CDH22: variants seen among roughly 807,000 people sequenced by gnomAD.
CDH22 encodes the protein cadherin-22.
In CDH22, 30 loss-of-function variants were observed where a neutral mutation model predicts 58.4. The ratio of observed to expected loss-of-function variants is 0.51; its 90% CI spans 0.38 to 0.70. CDH22 has a LOEUF of 0.70. CDH22 is among the 30% of genes least tolerant of loss of function. The pLI, the probability that CDH22 is intolerant of heterozygous loss-of-function variation, is 0.00. For synonymous variants in CDH22, 513 were observed against 558.2 expected (o/e 0.92, Z 1.14); for missense variants, 1,014 against 1,233.9 (o/e 0.82, Z 2.67).
intron 3 of CDH22, among the ~76,000 whole-genome samples, chr20:46,229,000 C>T (rs530277057): frequency 6.6e-6 from 1 of 152,328 alleles, no homozygotes; most frequent in Non-Finnish European, 1.5e-5. Context: ...GGTTCCCCCT[C>T]CCAGCCACAG....
chr20:46,254,601 T>TG (rs2145741731), intron 1 of CDH22, among the ~76,000 whole-genome samples: 1 of 149,996 alleles, frequency 6.7e-6, no homozygotes, highest in African/African-American at 2.5e-5. Flanking sequence ...CTCATGGAAC[T>TG]GACTTTCTGG....
In CDH22 at chr20:46,241,751, A is replaced by T. The variant is rs1888944282; in HGVS notation, c.256-494T>A. On this transcript the variant is annotated intron_variant, in intron 2 of 11. Coordinates refer to ENST00000537909, the MANE Select transcript of CDH22 (RefSeq NM_021248.3). The surrounding 1 kb of genome is among the most constrained non-coding windows in gnomAD (Gnocchi z 5.2). ...GGATCCTCAGTCTCCCCCTGCCCCC[A>T]GGATCTCTCGGTACATCAAGCCATC... Among the ~76,000 whole-genome samples the T allele has an allele frequency of 6.6e-6, 1 of 151,966 alleles. No homozygotes were observed. The highest frequency in any genetic ancestry group is 6.6e-5 in the Admixed American group (1 of 15,254).
chr20:46,278,561 TG>T (rs1167137011), intron 1 of CDH22, among the ~76,000 whole-genome samples: 1 of 152,172 alleles, frequency 6.6e-6, no homozygotes, highest in African/African-American at 2.4e-5. Context: ...CTTGGAATTT[TG>T]TGGACTTTTT....
At chr20:46,239,965 T>C (rs987236452) in intron 3 of CDH22, among the ~76,000 whole-genome samples, 1 of 152,202 alleles carries the variant, frequency 6.6e-6, no homozygotes, top group Non-Finnish European at 1.5e-5. Flanking sequence ...CAGAGATGTA[T>C]ATTTCTGTGT....
intron 1 of CDH22, among the ~76,000 whole-genome samples, chr20:46,275,698 T>G (rs1028070213): frequency 6.6e-6 from 1 of 151,962 alleles, no homozygotes; most frequent in African/African-American, 2.4e-5. Flanking sequence ...CTGAACACCC[T>G]CTCTGTGCCA....
At chr20:46,293,614 T>A (rs1283884333) in intron 1 of CDH22, among the ~76,000 whole-genome samples, 1 of 152,130 alleles carries the variant, frequency 6.6e-6, no homozygotes, top group East Asian at 1.9e-4. Context: ...CACGAAGTCC[T>A]CTGACTAAAG....
chr20:46,194,235 C>T (rs1196237179), intron 8 of CDH22, among the ~76,000 whole-genome samples: 1 of 152,170 alleles, frequency 6.6e-6, no homozygotes, highest in Non-Finnish European at 1.5e-5. Flanking sequence ...CAGAGCCCAG[C>T]CCTGGCTGGG....
chr20:46,229,509 A>G (rs1325997065), intron 3 of CDH22, among the ~76,000 whole-genome samples: 1 of 152,016 alleles, frequency 6.6e-6, no homozygotes, highest in East Asian at 1.9e-4. Context: ...TAGAAGTTTG[A>G]CCTTGGATCT....
At chr20:46,302,537 G>A (rs1423237050) in intron 1 of CDH22, among the ~76,000 whole-genome samples, 3 of 152,182 alleles carry the variant, frequency 2.0e-5, no homozygotes, top group African/African-American at 2.4e-5. Flanking sequence ...CAGGAGTCAC[G>A]TGTGCCTGGC....
chr20:46,178,692 C>A (rs1361539249), intron 10 of CDH22, among the ~76,000 whole-genome samples: 1 of 149,694 alleles, frequency 6.7e-6, no homozygotes, highest in African/African-American at 2.5e-5. Flanking sequence ...CTATAGGGTC[C>A]TTGGGTTGTG....
At chr20:46,290,563 G>C (rs562632252) in intron 1 of CDH22, among the ~76,000 whole-genome samples, 2 of 152,310 alleles carry the variant, frequency 1.3e-5, no homozygotes, top group Admixed American at 6.5e-5. Flanking sequence ...GAGTGTTTAG[G>C]GGGAGGGCTA....
intron 3 of CDH22, among the ~76,000 whole-genome samples, chr20:46,237,387 C>T (rs886601074): frequency 6.6e-6 from 1 of 152,126 alleles, no homozygotes; most frequent in African/African-American, 2.4e-5. Flanking sequence ...CCTTTCATGT[C>T]CCAAGCTGCG....
chr20:46,237,015 A>G (rs1568669055), intron 3 of CDH22, among the ~76,000 whole-genome samples: 1 of 152,156 alleles, frequency 6.6e-6, no homozygotes, highest in Non-Finnish European at 1.5e-5. Context: ...TTAATTATTT[A>G]TTTGGATATT....
At chr20:46,200,064 C>A (rs2064671691) in intron 7 of CDH22, among the ~76,000 whole-genome samples, 2 of 152,178 alleles carry the variant, frequency 1.3e-5, no homozygotes, top group Non-Finnish European at 2.9e-5. Flanking sequence ...AGCTCCGCCT[C>A]CCGGGTTCAC....
chr20:46,223,809 TCTTCCTTTCTTCCTTC>T (rs1272250309), intron 4 of CDH22, among the ~76,000 whole-genome samples: 406 of 35,508 alleles, frequency 0.011, 3 homozygotes, highest in Non-Finnish European at 0.018. Context: ...CTTCTTCCTT[TCTTCCTTTCTTCCTTC>T]CTTCCTTCCT....
intron 1 of CDH22, among the ~76,000 whole-genome samples, chr20:46,293,240 T>C (rs1028365552): frequency 6.6e-6 from 1 of 152,206 alleles, no homozygotes; most frequent in Non-Finnish European, 1.5e-5. Flanking sequence ...CCACACATTC[T>C]GTGGACTCAG....
chr20:46,251,155 G>A lies in CDH22; in HGVS notation c.140C>T (p.Pro47Leu). 1 of 1,590,790 alleles carries A rather than the reference G, an allele frequency of 6.3e-7. No individual in the cohort carries two copies. Among genetic ancestry groups the A allele is most frequent in the Non-Finnish European group, 8.5e-7 (1 of 1,169,920 alleles). ...WAAGTPSPSA[P>L]GARQDGALGA... The stretch of plus-strand genomic sequence containing the variant: ...CAGCGCGCCGTCCTGCCGAGCTCCG[G>A]GCGCCGACGGCGAGGGTGTGCCCGC... Residue 47 changes from proline (P) to leucine (L), a missense_variant, in exon 2 of 12, where the codon CCC (proline) becomes CTC (leucine). By Grantham distance (98) the Pro-to-Leu change is moderately conservative (BLOSUM62 -3). Transcript: ENST00000537909. This position sits in a 1 kb window ranked among gnomAD's most constrained non-coding sequence, Gnocchi z 6.7.
chr20:46,223,666 CTTCTTTCTTTCTTTCTTTCTTTCT>C (rs369876048), intron 4 of CDH22, among the ~76,000 whole-genome samples: 3 of 115,524 alleles, frequency 2.6e-5, no homozygotes, highest in African/African-American at 6.8e-5. Flanking sequence ...TTTTTCTTTC[CTTCTTTCTTTCTTTCTTTCTTTCT>C]TTCTTTCTTT....
chr20:46,201,466 A>G (rs950593498), intron 7 of CDH22, among the ~76,000 whole-genome samples: 11 of 152,196 alleles, frequency 7.2e-5, no homozygotes, highest in African/African-American at 2.7e-4. Context: ...TGGGTCTGAA[A>G]GCAGTCAGAG....
Sources: gnomAD v4.1 joint callset for allele counts (sites outside exome capture counted in the v4.1 genomes callset) on GRCh38, gnomAD v4.1.1 for gene constraint, Gnocchi (gnomAD v3.1) non-coding constraint, MANE v1.5 for transcripts, NCBI Gene and HGNC (gene_info 2026-07-23, HGNC 2026-07-21) for gene names.